Variants in SAMMSON observed in about 807,000 individuals in gnomAD.
SAMMSON encodes the protein survival associated mitochondrial melanoma specific oncogenic non-coding RNA, also known as long intergenic non-protein coding RNA 1212.
chr3:70,162,025 T>C (rs2067617467), intron 4 of SAMMSON, among the ~76,000 whole-genome samples: 1 of 151,874 alleles, frequency 6.6e-6, no homozygotes, highest in Non-Finnish European at 1.5e-5. Flanking sequence ...GTGTCATCCT[T>C]CTTTTCTTCC....
At chr3:70,048,404 A>G (rs2067134814) in intron 3 of SAMMSON, among the ~76,000 whole-genome samples, 1 of 152,090 alleles carries the variant, frequency 6.6e-6, no homozygotes, top group South Asian at 2.1e-4. Flanking sequence ...TAAAGATTAA[A>G]TTACTTATTA....
chr3:70,135,434 T>A (rs976340249), intron 4 of SAMMSON, among the ~76,000 whole-genome samples: 1 of 152,148 alleles, frequency 6.6e-6, no homozygotes, highest in East Asian at 1.9e-4. Flanking sequence ...TTTACCCTTT[T>A]TGGGTTTGTA....
chr3:70,035,003 A>G (rs1458634548), intron 3 of SAMMSON, among the ~76,000 whole-genome samples: 1 of 152,296 alleles, frequency 6.6e-6, no homozygotes, highest in East Asian at 1.9e-4. Flanking sequence ...CCTCACAGAT[A>G]TATAGATCAG....
chr3:70,340,207 A>G (rs1302588210), intron 7 of SAMMSON, among the ~76,000 whole-genome samples: 3 of 135,426 alleles, frequency 2.2e-5, no homozygotes, highest in Admixed American at 8.1e-5. Flanking sequence ...ACACTTGGAC[A>G]CAGGGTGGGG....
chr3:70,026,648 C>A (rs1221583136), intron 3 of SAMMSON, among the ~76,000 whole-genome samples: 1 of 152,066 alleles, frequency 6.6e-6, no homozygotes. Context: ...CTTATGGTAG[C>A]CCGAGAGATG....
intron 3 of SAMMSON, among the ~76,000 whole-genome samples, chr3:70,044,056 T>C (rs1479027668): frequency 6.6e-6 from 1 of 152,096 alleles, no homozygotes; most frequent in Non-Finnish European, 1.5e-5. Context: ...TTTTGGCAGA[T>C]GCTGGGTTAA....
intron 7 of SAMMSON, among the ~76,000 whole-genome samples, chr3:70,336,027 C>T: frequency 6.6e-6 from 1 of 152,046 alleles, no homozygotes; most frequent in South Asian, 2.1e-4. Context: ...ACTGAAAGTT[C>T]ATCCTAAAAA....
At chr3:70,367,688 G>A (rs142122075) in intron 9 of SAMMSON, among the ~76,000 whole-genome samples, 25 of 151,492 alleles carry the variant, frequency 1.7e-4, no homozygotes, top group South Asian at 6.3e-4. Flanking sequence ...ATTAATCATC[G>A]GAAAGCATAT....
chr3:70,418,754 C>G (rs959625810), intron 2 of SAMMSON, among the ~76,000 whole-genome samples: 2 of 152,180 alleles, frequency 1.3e-5, no homozygotes, highest in Middle Eastern at 3.2e-3. Context: ...GTGTATAATT[C>G]TCTTCCTTTC....
At chr3:70,234,995 A>C (rs1256659556) in intron 4 of SAMMSON, among the ~76,000 whole-genome samples, 1 of 152,194 alleles carries the variant, frequency 6.6e-6, no homozygotes, top group Non-Finnish European at 1.5e-5. Context: ...TGTGAAGATG[A>C]TTCTAATGTG....
intron 4 of SAMMSON, among the ~76,000 whole-genome samples, chr3:70,224,104 C>T (rs1410431228): frequency 1.3e-5 from 2 of 152,082 alleles, no homozygotes; most frequent in African/African-American, 4.8e-5. Flanking sequence ...ATCCAAATCC[C>T]TGTGTGTATC....
chr3:70,294,596 GTCACTTAGCATGC>G (rs1257309765), intron 7 of SAMMSON, among the ~76,000 whole-genome samples: 1 of 152,120 alleles, frequency 6.6e-6, no homozygotes, highest in East Asian at 1.9e-4. Context: ...AGGTAGCCGG[GTCACTTAGCATGC>G]TTTCAGCTGC....
chr3:70,156,336 A>T (rs916251268), intron 4 of SAMMSON, among the ~76,000 whole-genome samples: 3 of 152,038 alleles, frequency 2.0e-5, no homozygotes, highest in African/African-American at 7.2e-5. Flanking sequence ...TATTTTTTCA[A>T]CATGACTGTG....
intron 1 of SAMMSON, among the ~76,000 whole-genome samples, chr3:70,007,933 G>GT (rs1429121614): frequency 2.0e-5 from 3 of 151,710 alleles, no homozygotes; most frequent in African/African-American, 4.8e-5. Context: ...TTTTTGTCAG[G>GT]TTGTCAAAGA....
intron 4 of SAMMSON, among the ~76,000 whole-genome samples, chr3:70,193,412 G>A (rs1294197314): frequency 6.6e-6 from 1 of 152,122 alleles, no homozygotes; most frequent in African/African-American, 2.4e-5. Flanking sequence ...TTTCACCTCA[G>A]CCTCCTGAGT....
At chr3:70,214,203 A>C (rs1701382339) in intron 4 of SAMMSON, among the ~76,000 whole-genome samples, 1 of 152,096 alleles carries the variant, frequency 6.6e-6, no homozygotes, top group African/African-American at 2.4e-5. Context: ...AATAAGATAC[A>C]TATATTTGAC....
intron 4 of SAMMSON, among the ~76,000 whole-genome samples, chr3:70,243,470 G>A (rs1049267726): frequency 6.6e-6 from 1 of 152,116 alleles, no homozygotes; most frequent in African/African-American, 2.4e-5. Flanking sequence ...CCTACTCACT[G>A]CACTGCTGCT....
intron 4 of SAMMSON, among the ~76,000 whole-genome samples, chr3:70,113,499 G>T (rs1246377454): frequency 6.6e-6 from 1 of 152,162 alleles, no homozygotes; most frequent in East Asian, 1.9e-4. Context: ...GTATTTGTCT[G>T]AAGACACTAT....
At position 70,290,666 on chromosome 3, in the gene SAMMSON, C is replaced by T. The variant is rs952463626; in HGVS notation, n.675-513C>T. ...GGGCGCCCCTCCCCTAGCCTCGCTG[C>T]CGCCTTGCAGTTTGATCTCAGACTG... On this transcript the variant is annotated intron_variant and non_coding_transcript_variant, in intron 6 of 9. Coordinates refer to ENST00000642114, the Ensembl canonical transcript of SAMMSON. 1.6e-4 allele frequency among the ~76,000 whole-genome samples: 24 copies of T among 152,292 alleles called. 1 individual carries two copies. Among genetic ancestry groups the T allele is most frequent in the African/African-American group, 5.3e-4 (22 of 41,562 alleles).
Sources: gnomAD v4.1 joint callset for allele counts (sites outside exome capture counted in the v4.1 genomes callset) on GRCh38, gnomAD v4.1.1 for gene constraint, MANE v1.5 for transcripts, NCBI Gene and HGNC (gene_info 2026-07-23, HGNC 2026-07-21) for gene names.